Variants in NIBAN1 observed in about 807,000 individuals in gnomAD.
NIBAN1 encodes niban apoptosis regulator 1, also known as protein Niban 1.
A neutral mutation model predicts 75.1 loss-of-function variants in NIBAN1; 81 were observed. That is an observed-to-expected ratio of 1.08 (90% CI 0.90 to 1.30). The LOEUF (loss-of-function observed/expected upper bound fraction) is 1.30, where lower values mean the gene tolerates loss of function less well. Among genes scored for constraint, NIBAN1 ranks in the 50% most tolerant of loss-of-function variants. The pLI is 0.00. For missense variants in NIBAN1, 1,133 were observed against 1,128.1 expected (o/e 1.00, Z -0.06); for synonymous variants, 436 against 424.8 (o/e 1.03, Z -0.32).
intron 1 of NIBAN1, among the ~76,000 whole-genome samples, chr1:184,937,139 T>C (rs1464161980): frequency 7.0e-6 from 1 of 142,714 alleles, no homozygotes; most frequent in African/African-American, 2.6e-5. Flanking sequence ...TGTTAATAGC[T>C]GGATTCTTTT....
intron 1 of NIBAN1, among the ~76,000 whole-genome samples, chr1:184,914,204 AC>A (rs1010531819): frequency 2.6e-5 from 4 of 152,220 alleles, no homozygotes; most frequent in African/African-American, 9.6e-5. Context: ...TGGTTCCACT[AC>A]GTATTAATTA....
intron 1 of NIBAN1, among the ~76,000 whole-genome samples, chr1:184,931,973 C>T (rs1657836404): frequency 6.6e-6 from 1 of 152,218 alleles, no homozygotes; most frequent in South Asian, 2.1e-4. Flanking sequence ...CTCCAGATAT[C>T]TCATATACTG....
At chr1:184,818,508 T>C (rs1232301128) in intron 9 of NIBAN1, 130 bp downstream of exon 9, 3 of 877,656 alleles carry the variant, frequency 3.4e-6, no homozygotes, top group Non-Finnish European at 5.2e-6. Flanking sequence ...GCTGGATGAA[T>C]GGAGGGAAGG....
intron 11 of NIBAN1, 35 bp from the exon 12 acceptor site, chr1:184,803,727 T>C: frequency 3.8e-6 from 6 of 1,575,890 alleles, no homozygotes; most frequent in Non-Finnish European, 5.2e-6. Context: ...AATAGTAACA[T>C]TACAATCTGT....
intron 2 of NIBAN1, among the ~76,000 whole-genome samples, chr1:184,895,708 C>T (rs1319484395): frequency 3.3e-5 from 5 of 152,150 alleles, no homozygotes; most frequent in African/African-American, 4.8e-5. Context: ...CCTTACTCCC[C>T]TCCCACCTTC....
chr1:184,802,598 CA>C (rs1654075431), intron 12 of NIBAN1, among the ~76,000 whole-genome samples: 4 of 152,194 alleles, frequency 2.6e-5, no homozygotes, highest in African/African-American at 9.7e-5. Flanking sequence ...AGGAAAACAG[CA>C]CTTACAGACT....
intron 5 of NIBAN1, among the ~76,000 whole-genome samples, chr1:184,877,848 G>A (rs1048635375): frequency 1.1e-4 from 16 of 151,978 alleles, no homozygotes; most frequent in African/African-American, 3.9e-4. Context: ...GTTGATTATA[G>A]TAATATCAAA....
chr1:184,913,784 CACACTGCGAAAAGGAAACATT>C, intron 1 of NIBAN1, among the ~76,000 whole-genome samples: 1 of 152,122 alleles, frequency 6.6e-6, no homozygotes, highest in Admixed American at 6.6e-5. Flanking sequence ...CTGTTATTTC[CACACTGCGAAAAGGAAACATT>C]TTAAAAGTAG....
intron 1 of NIBAN1, among the ~76,000 whole-genome samples, chr1:184,951,592 C>T (rs1658359123): frequency 6.6e-6 from 1 of 152,060 alleles, no homozygotes; most frequent in South Asian, 2.1e-4. Context: ...ATTTATAACC[C>T]AACCATGTCT....
chr1:184,855,782 C>T (rs1258117726), intron 5 of NIBAN1, among the ~76,000 whole-genome samples: 4 of 152,096 alleles, frequency 2.6e-5, no homozygotes, highest in African/African-American at 9.7e-5. Context: ...TCCTGAGAAC[C>T]TAGAATAGAA....
chr1:184,854,728 G>A (rs1655630227), intron 5 of NIBAN1, among the ~76,000 whole-genome samples: 3 of 152,142 alleles, frequency 2.0e-5, no homozygotes, highest in Non-Finnish European at 2.9e-5. Context: ...TGTTCACCCT[G>A]CCTCTACTTT....
At chr1:184,892,337 C>A (rs1171544737) in intron 3 of NIBAN1, among the ~76,000 whole-genome samples, 1 of 152,090 alleles carries the variant, frequency 6.6e-6, no homozygotes, top group African/African-American at 2.4e-5. Flanking sequence ...ATAGCTTAGG[C>A]AAGGGCGCCT....
intron 5 of NIBAN1, chr1:184,868,105 G>A (rs766132110): frequency 2.7e-5 from 26 of 960,796 alleles, no homozygotes; most frequent in Non-Finnish European, 2.7e-5. Context: ...GTGAAAATGG[G>A]TGCTTTGCTT....
chr1:184,869,201 C>T (rs170915), intron 5 of NIBAN1, among the ~76,000 whole-genome samples: 89,208 of 151,958 alleles, frequency 0.59, 27,383 homozygotes, highest in African/African-American at 0.78. Flanking sequence ...GCCTCTCACT[C>T]GGACAGAAGA....
intron 1 of NIBAN1, among the ~76,000 whole-genome samples, chr1:184,966,905 A>G (rs928997550): frequency 6.6e-6 from 1 of 152,210 alleles, no homozygotes; most frequent in African/African-American, 2.4e-5. Flanking sequence ...ATTTATTTTA[A>G]TCCTATAGAC....
At chr1:184,799,289 G>A (rs1238993124) in intron 12 of NIBAN1, among the ~76,000 whole-genome samples, 2 of 150,306 alleles carry the variant, frequency 1.3e-5, no homozygotes, top group Non-Finnish European at 3.0e-5. Context: ...GAGAATATGC[G>A]GTGTTTGGTT....
rs375954458 is a variant in NIBAN1, at chr1:184,819,385, CA to C, written c.986-561del. On this transcript the variant is annotated intron_variant, in intron 8 of 13. Transcript: ENST00000367511. The stretch of plus-strand genomic sequence containing the variant: ...ATTAAAACAAGACAAAACAAAATCA[CA>C]ATAGGTTTTTCTGACCAAGATGACA... Among the ~76,000 whole-genome samples the C allele has an allele frequency of 2.8e-4, 42 of 152,206 alleles. 1 individual carries two copies. Among genetic ancestry groups the C allele is most frequent in the African/African-American group, 8.9e-4 (37 of 41,528 alleles).
chr1:184,959,094 G>A (rs531895916), intron 1 of NIBAN1, among the ~76,000 whole-genome samples: 2 of 152,338 alleles, frequency 1.3e-5, no homozygotes, highest in Admixed American at 1.3e-4. Flanking sequence ...AGGGCACAAG[G>A]CCACCAATAA....
At chr1:184,955,173 A>G (rs1298575964) in intron 1 of NIBAN1, among the ~76,000 whole-genome samples, 3 of 152,068 alleles carry the variant, frequency 2.0e-5, no homozygotes, top group African/African-American at 4.8e-5. Flanking sequence ...TAAAACTTCA[A>G]AATTGGTGTG....
Sources: gnomAD v4.1 joint callset for allele counts (sites outside exome capture counted in the v4.1 genomes callset) on GRCh38, gnomAD v4.1.1 for gene constraint, MANE v1.5 for transcripts, NCBI Gene and HGNC (gene_info 2026-07-23, HGNC 2026-07-21) for gene names.